Variants in LARGE1 observed in about 807,000 individuals in gnomAD.
LARGE1 encodes LARGE xylosyl- and glucuronyltransferase 1, also known as xylosyl- and glucuronyltransferase LARGE1.
Under a neutral mutation model 87.6 loss-of-function variants are expected in LARGE1, and 43 were observed. That is an observed-to-expected ratio of 0.49 (90% confidence interval 0.38 to 0.63). LARGE1 has a LOEUF of 0.63. Ranked by LOEUF, LARGE1 falls within the 30% of genes least tolerant of loss-of-function variation. The probability of loss-of-function intolerance (pLI) is 0.00; values close to 1 mark genes in which losing one functional copy is unlikely to be tolerated. For synonymous variants in LARGE1, 434 were observed against 394.6 expected, an observed-to-expected ratio of 1.10 and a Z score of -1.18; for missense variants, 802 against 1,000.2, an observed-to-expected ratio of 0.80 and a Z score of 2.67.
At chr22:33,380,240 CCTGT>C (rs1222229188) in intron 9 of LARGE1, among the ~76,000 whole-genome samples, 1 of 152,132 alleles carries the variant, frequency 6.6e-6, no homozygotes, top group Non-Finnish European at 1.5e-5. Context: ...TGACAATATT[CCTGT>C]CTGTTTCTTC....
intron 2 of LARGE1, 119 bp downstream of exon 2, chr22:33,761,252 T>A: frequency 1.1e-6 from 1 of 882,342 alleles, no homozygotes; most frequent in Non-Finnish European, 1.9e-6. Flanking sequence ...ACAAGTCACT[T>A]CCCATGACTG....
At chr22:33,658,773 A>G (rs1369349681) in intron 2 of LARGE1, among the ~76,000 whole-genome samples, 1 of 152,166 alleles carries the variant, frequency 6.6e-6, no homozygotes, top group African/African-American at 2.4e-5. Context: ...TTTGTAACAG[A>G]ATGATTTATA....
chr22:33,498,823 T>G (rs2070285371), intron 6 of LARGE1, among the ~76,000 whole-genome samples: 1 of 151,790 alleles, frequency 6.6e-6, no homozygotes. Flanking sequence ...TACAAAAAAT[T>G]AGCCGGGAGT....
At chr22:33,337,220 CCT>C (rs1169669813) in intron 10 of LARGE1, among the ~76,000 whole-genome samples, 1 of 152,116 alleles carries the variant, frequency 6.6e-6, no homozygotes, top group Non-Finnish European at 1.5e-5. Flanking sequence ...CCATGCTCAC[CCT>C]AAAGGAGCCA....
intron 9 of LARGE1, among the ~76,000 whole-genome samples, chr22:33,354,562 T>C (rs962324440): frequency 6.6e-6 from 1 of 152,248 alleles, no homozygotes; most frequent in African/African-American, 2.4e-5. Context: ...ACTTATTGTA[T>C]GGTGGGTTTT....
chr22:33,226,347 A>C (rs1307481823), intron 11 of LARGE1, among the ~76,000 whole-genome samples: 2 of 152,228 alleles, frequency 1.3e-5, no homozygotes, highest in Non-Finnish European at 2.9e-5. Flanking sequence ...TTCTTCTCGA[A>C]GTCCCAATAC....
At chr22:33,197,458 G>A (rs1924139209) in intron 11 of LARGE1, among the ~76,000 whole-genome samples, 2 of 151,968 alleles carry the variant, frequency 1.3e-5, no homozygotes, top group Non-Finnish European at 2.9e-5. Flanking sequence ...AGAATATAAG[G>A]TTAATAAAAC....
intron 6 of LARGE1, among the ~76,000 whole-genome samples, chr22:33,508,352 A>G (rs1040953937): frequency 1.3e-5 from 2 of 152,206 alleles, no homozygotes; most frequent in South Asian, 4.1e-4. Context: ...GATCAAAGGC[A>G]GCCTTTCTCC....
In LARGE1 at chr22:33,273,948, T is replaced by C. The variant is rs886057459; in HGVS notation, c.*479A>G. 1 of 342,318 alleles carries C rather than the reference T, an allele frequency of 2.9e-6. No homozygotes were observed. The highest frequency in any genetic ancestry group is 5.3e-6 in the Non-Finnish European group (1 of 190,040). 21.2% of individuals were successfully genotyped at this position (342,318 alleles called of 1,614,324 possible). A position where few individuals can be genotyped will look rare whatever the true frequency, so the allele number is the denominator to read the frequency against. On this transcript the variant is annotated 3_prime_UTR_variant, in exon 15 of 15. Transcript: ENST00000397394. ...ATCATCGGTTTGCCCTCCGTTTGAA[T>C]GCCCAGCTACATTGCAGGGCAAAGG...
chr22:33,314,353 G>C (rs1193623043), intron 11 of LARGE1, among the ~76,000 whole-genome samples: 1 of 152,128 alleles, frequency 6.6e-6, no homozygotes, highest in African/African-American at 2.4e-5. Flanking sequence ...GCTTGCATGT[G>C]GCGGGACTCA....
intron 1 of LARGE1, among the ~76,000 whole-genome samples, chr22:33,842,095 T>C (rs1391734404): frequency 1.3e-5 from 2 of 152,196 alleles, no homozygotes; most frequent in East Asian, 3.8e-4. Context: ...CGAAATCCCT[T>C]TATAGTTCTA....
At position 33,514,803 on chromosome 22, in the gene LARGE1, C is replaced by T. The variant is rs527399872; in HGVS notation, c.787+50045G>A. On this transcript the variant is annotated intron_variant, in intron 6 of 14. Transcript: ENST00000397394. The stretch of plus-strand genomic sequence containing the variant: ...GTCCTATTAAAGTGAGTCAGAAACA[C>T]GGACCTATAAAGGGGTGAAACAATC... Among the ~76,000 whole-genome samples, 14 of 152,140 alleles carry T rather than the reference C, an allele frequency of 9.2e-5. 1 individual carries two copies. In the South Asian group the frequency reaches 1.9e-3, roughly 20 times the overall value.
chr22:33,399,418 C>T (rs1436877279), intron 7 of LARGE1, among the ~76,000 whole-genome samples: 1 of 152,158 alleles, frequency 6.6e-6, no homozygotes, highest in African/African-American at 2.4e-5. Flanking sequence ...CAAGTCTTTG[C>T]TATTGTAAAT....
At chr22:33,406,409 A>G (rs2066101697) in intron 7 of LARGE1, among the ~76,000 whole-genome samples, 1 of 152,018 alleles carries the variant, frequency 6.6e-6, no homozygotes, top group Non-Finnish European at 1.5e-5. Flanking sequence ...TTTTTCTCCT[A>G]TCCTCTCCGT....
At chr22:33,745,506 T>C (rs898142339) in intron 2 of LARGE1, among the ~76,000 whole-genome samples, 1 of 152,148 alleles carries the variant, frequency 6.6e-6, no homozygotes, top group Non-Finnish European at 1.5e-5. Context: ...AGAAGGCTTA[T>C]GTTCATGTCT....
chr22:33,585,860 G>A (rs377216164), intron 5 of LARGE1, among the ~76,000 whole-genome samples: 14 of 152,126 alleles, frequency 9.2e-5, no homozygotes, highest in African/African-American at 2.4e-4. Flanking sequence ...CACCACGCCC[G>A]GCTAATTTTT....
chr22:33,544,397 T>C (rs1450561557), intron 6 of LARGE1, among the ~76,000 whole-genome samples: 1 of 152,010 alleles, frequency 6.6e-6, no homozygotes, highest in East Asian at 1.9e-4. Context: ...GTGGAAAGAG[T>C]ACCTTTCTAC....
intron 11 of LARGE1, among the ~76,000 whole-genome samples, chr22:33,199,451 G>T (rs13058479): frequency 6.6e-6 from 1 of 152,064 alleles, no homozygotes; most frequent in African/African-American, 2.4e-5. Flanking sequence ...GTTCAGAAGA[G>T]ATTTTTCTAG....
chr22:33,665,620 C>A (rs761660740), intron 2 of LARGE1, among the ~76,000 whole-genome samples: 1 of 152,122 alleles, frequency 6.6e-6, no homozygotes, highest in South Asian at 2.1e-4. Context: ...GGGCTGCGCG[C>A]GGTGGCTCAT....
Sources: gnomAD v4.1 joint callset for allele counts (sites outside exome capture counted in the v4.1 genomes callset) on GRCh38, gnomAD v4.1.1 for gene constraint, MANE v1.5 for transcripts, NCBI Gene and HGNC (gene_info 2026-07-23, HGNC 2026-07-21) for gene names.